ZNF182: variants seen among roughly 807,000 people sequenced by gnomAD.
ZNF182 encodes zinc finger protein 21 (KOX 14).
In ZNF182, 10 loss-of-function variants were observed where a neutral mutation model predicts 28.1. The observed-to-expected ratio is 0.36, with a 90% CI of 0.22 to 0.60. The LOEUF is 0.60. ZNF182 is among the 20% of genes least tolerant of loss of function. ZNF182 has a pLI of 0.75. For missense variants in ZNF182, 352 were observed against 453.2 expected, an observed-to-expected ratio of 0.78 and a Z score of 2.03; for synonymous variants, 156 against 158.7, an observed-to-expected ratio of 0.98 and a Z score of 0.13.
At chrX:48,003,810 G>C (rs1390049299) in intron 1 of ZNF182, 99 bp downstream of exon 1, 1 of 109,502 alleles carries the variant, frequency 9.1e-6, no homozygotes, top group Non-Finnish European at 1.9e-5. Context: ...CTGACCTCTC[G>C]GTCCCCCATC....
intron 3 of ZNF182, among the ~76,000 whole-genome samples, chrX:47,988,855 G>C (rs2058931693): frequency 9.0e-6 from 1 of 111,409 alleles, no homozygotes; most frequent in Non-Finnish European, 1.9e-5. Context: ...AGGAGATAAA[G>C]AAGGTCTGCC....
At chrX:48,000,822 T>G (rs2058976349) in intron 3 of ZNF182, among the ~76,000 whole-genome samples, 1 of 111,835 alleles carries the variant, frequency 8.9e-6, no homozygotes, top group Non-Finnish European at 1.9e-5. Context: ...ACCATGTATC[T>G]GACAAAGGAC....
chrX:47,976,371 G>A lies in ZNF182; in HGVS notation c.1659C>T (p.Cys553=), dbSNP rs143848989. ...RTHTGEKPYA[C]TECGKAFREK... ...CTCGGAAGGCTTTGCCACACTCAGT[G>A]CATGCATAGGGTTTCTCTCCCGTGT... The change falls in exon 6 of 6, where the codon TGC becomes TGT. Residue 553 remains cysteine (C), a synonymous_variant. Coordinates refer to ENST00000376943, the MANE Select transcript of ZNF182 (RefSeq NM_001007088.2). 232 of 1,207,388 alleles carry A rather than the reference G, an allele frequency of 1.9e-4. No individual in the cohort carries two copies. In the African/African-American group the frequency reaches 3.7e-3, roughly 19 times the overall value.
chrX:47,990,430 T>C (rs2058937646), intron 3 of ZNF182, among the ~76,000 whole-genome samples: 1 of 111,258 alleles, frequency 9.0e-6, no homozygotes, highest in Admixed American at 9.5e-5. Context: ...ATTATGCTAT[T>C]GTGTCTGCCA....
At chrX:47,991,392 T>G (rs1302165590) in intron 3 of ZNF182, among the ~76,000 whole-genome samples, 2 of 111,845 alleles carry the variant, frequency 1.8e-5, no homozygotes, top group Non-Finnish European at 3.8e-5. Context: ...CCACCCAATC[T>G]CTGGTATTTT....
intron 3 of ZNF182, among the ~76,000 whole-genome samples, chrX:47,989,885 G>A (rs902017657): frequency 4.5e-5 from 5 of 111,582 alleles, no homozygotes; most frequent in African/African-American, 1.3e-4. Context: ...TATATAGCCA[G>A]AACGTTATAA....
At chrX:47,982,589 C>T (rs1320312893) in intron 5 of ZNF182, among the ~76,000 whole-genome samples, 1 of 111,918 alleles carries the variant, frequency 8.9e-6, no homozygotes, top group African/African-American at 3.3e-5. Context: ...GAAATTAGAG[C>T]ATTAGAGTCC....
In ZNF182 at chrX:47,977,278, G is replaced by C. The variant is rs1232172860; in HGVS notation, c.752C>G (p.Ala251Gly). 4.1e-6 allele frequency: 5 copies of C among 1,209,816 alleles called. No homozygotes were observed. Among genetic ancestry groups the C allele is most frequent in the Non-Finnish European group, 5.6e-6 (5 of 895,217 alleles). ...KPFGCTECGK[A>G]FSQKSQLIIH... ...AATGAGCTGAGATTTTTGGCTAAAA[G>C]CTTTTCCACATTCGGTACATCCAAA... Residue 251 changes from alanine to glycine, a missense_variant, in exon 6 of 6, where the codon GCT (alanine) becomes GGT (glycine). Transcript: ENST00000376943.
At chrX:47,990,761 C>A (rs2058938936) in intron 3 of ZNF182, among the ~76,000 whole-genome samples, 1 of 111,816 alleles carries the variant, frequency 8.9e-6, no homozygotes. Context: ...CAGAAACAAG[C>A]ATTCTGTTGC....
At chrX:48,002,423 C>A in intron 3 of ZNF182, 172 bp downstream of exon 3, 1 of 651,862 alleles carries the variant, frequency 1.5e-6, no homozygotes, top group Admixed American at 2.7e-5. Flanking sequence ...ATCTGTTACA[C>A]CCTGAGTCCT....
chrX:47,981,779 A>G (rs2146460346), intron 5 of ZNF182, among the ~76,000 whole-genome samples: 1 of 110,288 alleles, frequency 9.1e-6, no homozygotes, highest in African/African-American at 3.3e-5. Flanking sequence ...ATGCACCTGT[A>G]GTCCCAGCTA....
intron 3 of ZNF182, among the ~76,000 whole-genome samples, chrX:47,986,351 TCTTC>T (rs782561530): frequency 8.9e-6 from 1 of 112,673 alleles, no homozygotes; most frequent in Non-Finnish European, 1.9e-5. Context: ...TAAGAAAATA[TCTTC>T]ATGTTATTTC....
Position 47,991,970 on chromosome X carries a change from T to G in ZNF182, c.16-8559A>C, listed in dbSNP as rs73207838. On this transcript the variant is annotated intron_variant, in intron 3 of 5. Coordinates refer to ENST00000376943, the MANE Select transcript of ZNF182 (RefSeq NM_001007088.2). Reference sequence around the variant, plus strand: ...ACAATAAGCAGCCACCGGAAGTGCTTCTTCTTCTCCACTGAGCCTGAGACT... The same window carrying G: ...ACAATAAGCAGCCACCGGAAGTGCTGCTTCTTCTCCACTGAGCCTGAGACT... Among the ~76,000 whole-genome samples, 219 of 111,608 alleles carry G rather than the reference T, an allele frequency of 2.0e-3. 3 individuals carry two copies. Among genetic ancestry groups the G allele is most frequent in the Non-Finnish European group, 3.4e-3 (181 of 53,021 alleles).
chrX:47,977,339 T>C lies in ZNF182; in HGVS notation c.691A>G (p.Ile231Val). 8.3e-7 allele frequency: 1 copy of C among 1,207,988 alleles called. No homozygotes were observed. The highest frequency in any genetic ancestry group is 1.1e-6 in the Non-Finnish European group (1 of 894,350). Residue 231 changes from isoleucine (I) to valine (V), a missense_variant, in exon 6 of 6, where the codon ATT becomes GTT. Physicochemically the swap from Ile to Val is conservative, Grantham distance 29. Coordinates refer to ENST00000376943, the MANE Select transcript of ZNF182 (RefSeq NM_001007088.2). ...CCCGTATGAGTTCTCCAATGTACAATGAGGTGTGACTTCTTGCTGAAGGTT... is the reference window on the plus strand; with the variant it reads ...CCCGTATGAGTTCTCCAATGTACAACGAGGTGTGACTTCTTGCTGAAGGTT... ...RKTFSKKSHL[I>V]VHWRTHTGEK...
chrX:47,985,358 T>C (rs1197267072), intron 3 of ZNF182, among the ~76,000 whole-genome samples: 1 of 112,307 alleles, frequency 8.9e-6, no homozygotes, highest in East Asian at 2.8e-4. Flanking sequence ...TGATTACATT[T>C]ATATATTACA....
Position 47,976,486 on chromosome X carries a change from C to A in ZNF182, c.1544G>T (p.Arg515Ile). Residue 515 changes from arginine (R) to isoleucine (I), a missense_variant, in exon 6 of 6, where the codon AGA (arginine) becomes ATA (isoleucine). Arg to Ile is a moderately conservative substitution (Grantham distance 97, BLOSUM62 -3). Transcript: ENST00000376943. ...ATAAGGTTTCTCTCCTGTATGAATT[C>A]TCTGATGTATAATGAGCTTTGACTT... ...REKSKLIIHQ[R>I]IHTGEKPYEC... 1 of 1,210,648 alleles carries A rather than the reference C, an allele frequency of 8.3e-7. No individual in the cohort carries two copies. The highest frequency in any genetic ancestry group is 1.1e-6 in the Non-Finnish European group (1 of 895,212).
Position 47,974,933 on chromosome X carries a change from G to A in ZNF182, c.*1234C>T. 9.0e-6 allele frequency: 1 copy of A among 111,468 alleles called. No homozygotes were observed. Among genetic ancestry groups the A allele is most frequent in the Non-Finnish European group, 1.9e-5 (1 of 53,047 alleles). 9.2% of individuals were successfully genotyped at this position (111,468 alleles called of 1,213,427 possible). On this transcript the variant is annotated 3_prime_UTR_variant, in exon 6 of 6. Transcript: ENST00000376943. ...ACCCACATTTTCAAAAGCTATGAAA[G>A]GATACAGTTGTCTCCCTCTCAATTC...
In ZNF182 at chrX:47,982,907, G is replaced by A. The variant is rs782381072; in HGVS notation, c.232+42C>T. ...GGGCCTCACCTCTGACTAATAGGGT[G>A]GAACTTCATGTCCCCAGAGCCTGGG... On this transcript the variant is annotated intron_variant, in intron 5 of 5. Coordinates refer to ENST00000376943, the MANE Select transcript of ZNF182 (RefSeq NM_001007088.2). The A allele has an allele frequency of 8.7e-6, 10 of 1,148,844 alleles. No homozygotes were observed. The South Asian group carries it at 1.8e-4, about 21-fold the overall frequency. The allele number at this position is 1,148,844 out of a possible 1,213,427, so 94.7% of individuals were successfully genotyped here.
intron 3 of ZNF182, among the ~76,000 whole-genome samples, chrX:48,001,595 C>T (rs782007553): frequency 6.3e-5 from 7 of 111,590 alleles, no homozygotes; most frequent in East Asian, 5.6e-4. Context: ...GGGATCCTTG[C>T]GATGATGGGG....
Sources: gnomAD v4.1 joint callset for allele counts (sites outside exome capture counted in the v4.1 genomes callset) on GRCh38, gnomAD v4.1.1 for gene constraint, MANE v1.5 for transcripts, NCBI Gene and HGNC (gene_info 2026-07-23, HGNC 2026-07-21) for gene names.